SYT9: variants seen among roughly 807,000 people sequenced by gnomAD.
SYT9 encodes the protein synaptotagmin 9.
In SYT9, 22 loss-of-function variants were observed where a neutral mutation model predicts 48.4. The ratio of observed to expected loss-of-function variants is 0.45; its 90% CI spans 0.32 to 0.65. SYT9 has a LOEUF of 0.65. SYT9 is among the 30% of genes least tolerant of loss of function. The probability of loss-of-function intolerance (pLI) is 0.03; values close to 1 mark genes in which losing one functional copy is unlikely to be tolerated. For synonymous variants in SYT9, 265 were observed against 245.0 expected (o/e 1.08, Z -0.76); for missense variants, 577 against 622.0 (o/e 0.93, Z 0.77).
chr11:7,283,756 A>G (rs1848546982), intron 1 of SYT9, among the ~76,000 whole-genome samples: 2 of 152,092 alleles, frequency 1.3e-5, no homozygotes, highest in Non-Finnish European at 2.9e-5. Context: ...TTTATCTGTT[A>G]ATTTGTAGTA....
At chr11:7,320,196 A>C (rs1849313852) in intron 3 of SYT9, among the ~76,000 whole-genome samples, 1 of 152,182 alleles carries the variant, frequency 6.6e-6, no homozygotes, top group Non-Finnish European at 1.5e-5. Flanking sequence ...AATAATAGCC[A>C]AATCAAAATT....
intron 3 of SYT9, chr11:7,314,327 C>CTCTGACAGCAGTAGGTACTTACCTGTCT (rs1299016095): frequency 1.0e-5 from 4 of 381,816 alleles, no homozygotes; most frequent in Non-Finnish European, 2.0e-5. Flanking sequence ...CATTACCTGA[C>CTCTGACAGCAGTAGGTACTTACCTGTCT]TCTGACAGCA....
intron 6 of SYT9, among the ~76,000 whole-genome samples, chr11:7,432,584 T>A (rs1201593411): frequency 0.11 from 369 of 3,458 alleles, 43 homozygotes; most frequent in Middle Eastern, 0.5. Flanking sequence ...AAAAAAAAAA[T>A]ATATATACAT....
intron 1 of SYT9, among the ~76,000 whole-genome samples, chr11:7,292,986 A>T (rs1459228336): frequency 1.3e-5 from 2 of 152,262 alleles, no homozygotes; most frequent in East Asian, 3.9e-4. Context: ...CAAGAACTTA[A>T]ATCTGGCTCT....
At chr11:7,340,265 A>G (rs764087694) in intron 3 of SYT9, among the ~76,000 whole-genome samples, 2 of 152,130 alleles carry the variant, frequency 1.3e-5, no homozygotes, top group Non-Finnish European at 2.9e-5. Context: ...CTGAATAATT[A>G]TATTGTGATT....
chr11:7,351,090 T>A (rs1849906545), intron 3 of SYT9, among the ~76,000 whole-genome samples: 1 of 152,118 alleles, frequency 6.6e-6, no homozygotes, highest in African/African-American at 2.4e-5. Context: ...CATAAATAAC[T>A]AGGGTTTTAA....
chr11:7,352,938 T>G (rs780143390), intron 3 of SYT9, among the ~76,000 whole-genome samples: 1 of 152,212 alleles, frequency 6.6e-6, no homozygotes, highest in Non-Finnish European at 1.5e-5. Context: ...TTTTCTCATC[T>G]TTGTTATTTC....
chr11:7,425,224 A>G (rs1847431607), intron 6 of SYT9, among the ~76,000 whole-genome samples: 1 of 152,210 alleles, frequency 6.6e-6, no homozygotes, highest in South Asian at 2.1e-4. Flanking sequence ...TGTGACCTGG[A>G]CCTACCTCAG....
At chr11:7,248,104 T>C (rs987436632), upstream of SYT9, among the ~76,000 whole-genome samples, 1 of 152,244 alleles carries the variant, frequency 6.6e-6, no homozygotes, top group Non-Finnish European at 1.5e-5. Context: ...TTCATGTTTG[T>C]TGGCCATTTG....
At chr11:7,243,071 T>TAAATAAATAAATAAATAAATAA (rs528022019) in intron 1 of SYT9, among the ~76,000 whole-genome samples, 10 of 151,116 alleles carry the variant, frequency 6.6e-5, no homozygotes, top group African/African-American at 1.2e-4. Flanking sequence ...TAAATAAATA[T>TAAATAAATAAATAAATAAATAA]AAAGTATTAC....
chr11:7,251,943 G>C lies in SYT9; in HGVS notation c.-244G>C. On this transcript the variant is annotated 5_prime_UTR_variant, in exon 1 of 7. Transcript: ENST00000318881. Reference sequence around the variant, plus strand: ...GGCACCGCCTCTCCTCGGTGTCTGGGGAGGGACGGAGGGACCGGGCGGGAG... The same window carrying C: ...GGCACCGCCTCTCCTCGGTGTCTGGCGAGGGACGGAGGGACCGGGCGGGAG... The C allele has an allele frequency of 2.4e-6, 1 of 416,434 alleles. No homozygotes were observed. The highest frequency in any genetic ancestry group is 4.2e-6 in the Non-Finnish European group (1 of 236,478). 25.8% of individuals were successfully genotyped at this position (416,434 alleles called of 1,614,324 possible). A position where few individuals can be genotyped will look rare whatever the true frequency, so the allele number is the denominator to read the frequency against.
intron 6 of SYT9, among the ~76,000 whole-genome samples, chr11:7,448,413 C>T (rs559734473): frequency 1.4e-4 from 21 of 152,258 alleles, no homozygotes; most frequent in Non-Finnish European, 3.1e-4. Flanking sequence ...TCATGCACAT[C>T]TTCTCCGTTC....
chr11:7,370,625 G>A (rs1041855459), intron 3 of SYT9, among the ~76,000 whole-genome samples: 1 of 152,090 alleles, frequency 6.6e-6, no homozygotes, highest in Admixed American at 6.5e-5. Context: ...TTTTATAAAA[G>A]CAACCCTATG....
intron 6 of SYT9, chr11:7,427,515 A>G (rs1847483708): frequency 6.6e-6 from 1 of 152,228 alleles, no homozygotes; most frequent in African/African-American, 2.4e-5. Flanking sequence ...CAGAGATCCC[A>G]ATGGTGAATG....
chr11:7,405,546 A>G (rs1846991733), intron 3 of SYT9, among the ~76,000 whole-genome samples: 1 of 152,212 alleles, frequency 6.6e-6, no homozygotes. Context: ...CTCAAAACAT[A>G]GTGTCTGTTG....
At chr11:7,447,333 C>T (rs1847953096) in intron 6 of SYT9, among the ~76,000 whole-genome samples, 1 of 152,178 alleles carries the variant, frequency 6.6e-6, no homozygotes, top group African/African-American at 2.4e-5. Flanking sequence ...CAGAGGCCTT[C>T]ACAACCTGAC....
At chr11:7,385,824 A>G (rs1204372432) in intron 3 of SYT9, among the ~76,000 whole-genome samples, 1 of 152,168 alleles carries the variant, frequency 6.6e-6, no homozygotes, top group Non-Finnish European at 1.5e-5. Context: ...CAGGAGAGCA[A>G]ATGTTTCTAC....
intron 2 of SYT9, among the ~76,000 whole-genome samples, chr11:7,310,739 C>T (rs1170575134): frequency 6.6e-6 from 1 of 152,150 alleles, no homozygotes; most frequent in Middle Eastern, 3.2e-3. Flanking sequence ...AGCCACTGCA[C>T]CCGGCTTGTG....
At chr11:7,370,153 G>A (rs1850336541) in intron 3 of SYT9, among the ~76,000 whole-genome samples, 1 of 152,086 alleles carries the variant, frequency 6.6e-6, no homozygotes, top group African/African-American at 2.4e-5. Context: ...TCTGATGCTT[G>A]GCTTTCCATT....
Sources: gnomAD v4.1 joint callset for allele counts (sites outside exome capture counted in the v4.1 genomes callset) on GRCh38, gnomAD v4.1.1 for gene constraint, MANE v1.5 for transcripts, NCBI Gene and HGNC (gene_info 2026-07-23, HGNC 2026-07-21) for gene names.